FAM78B: variants seen among roughly 807,000 people sequenced by gnomAD.
The protein encoded by FAM78B is family with sequence similarity 78 member B.
In FAM78B, 10 loss-of-function variants were observed where a neutral mutation model predicts 20.0. That is an observed-to-expected ratio of 0.50 (90% CI 0.31 to 0.85). The LOEUF is 0.85. Ranked by LOEUF, FAM78B falls within the 40% of genes least tolerant of loss-of-function variation. The probability of loss-of-function intolerance (pLI) is 0.05; values close to 1 mark genes in which losing one functional copy is unlikely to be tolerated. For synonymous variants in FAM78B, 135 were observed against 132.8 expected (o/e 1.02, Z -0.12); for missense variants, 283 against 345.0 (o/e 0.82, Z 1.42).
At chr1:166,148,736 G>A (rs1208952233) in intron 1 of FAM78B, among the ~76,000 whole-genome samples, 1 of 152,204 alleles carries the variant, frequency 6.6e-6, no homozygotes, top group Admixed American at 6.5e-5. Flanking sequence ...ATGACAAAGG[G>A]AGCTCATATC....
chr1:166,077,323 T>C (rs1052196174), intron 1 of FAM78B, among the ~76,000 whole-genome samples: 1 of 152,196 alleles, frequency 6.6e-6, no homozygotes, highest in African/African-American at 2.4e-5. Flanking sequence ...TTTCTGTACC[T>C]GTTTCCTCAT....
chr1:166,165,898 G>A (rs1161158504), intron 1 of FAM78B, 88 bp downstream of exon 1: 5 of 1,490,076 alleles, frequency 3.4e-6, no homozygotes, highest in African/African-American at 1.4e-5. Context: ...GGGGACAGCA[G>A]TAGGAAGGAG....
chr1:166,138,786 CAA>C (rs1655169205), intron 1 of FAM78B, among the ~76,000 whole-genome samples: 1 of 152,212 alleles, frequency 6.6e-6, no homozygotes, highest in African/African-American at 2.4e-5. Context: ...ATAAAGGCAA[CAA>C]GATTTTTGTC....
At chr1:166,142,542 G>A (rs1247191014) in intron 1 of FAM78B, among the ~76,000 whole-genome samples, 3 of 152,218 alleles carry the variant, frequency 2.0e-5, no homozygotes, top group Admixed American at 2.0e-4. Context: ...AAAAGAGGAA[G>A]ACTATTTTTA....
intron 1 of FAM78B, among the ~76,000 whole-genome samples, chr1:166,072,175 T>G (rs1338699756): frequency 6.6e-6 from 1 of 152,182 alleles, no homozygotes; most frequent in Non-Finnish European, 1.5e-5. Flanking sequence ...GTCAAGCTAG[T>G]GCTGATTAAC....
intron 1 of FAM78B, among the ~76,000 whole-genome samples, chr1:166,145,401 T>C (rs1167516268): frequency 2.0e-5 from 3 of 152,234 alleles, no homozygotes; most frequent in Non-Finnish European, 2.9e-5. Context: ...TAGGGCATCC[T>C]GTAGGTTGGC....
At chr1:166,101,478 T>C (rs1001973540) in intron 1 of FAM78B, among the ~76,000 whole-genome samples, 1 of 152,028 alleles carries the variant, frequency 6.6e-6, no homozygotes, top group Non-Finnish European at 1.5e-5. Context: ...ATTAGATGAA[T>C]GGCTAACTAG....
intron 1 of FAM78B, among the ~76,000 whole-genome samples, chr1:166,079,415 T>G (rs1176946076): frequency 1.3e-5 from 2 of 152,230 alleles, no homozygotes; most frequent in Non-Finnish European, 2.9e-5. Flanking sequence ...TCAGGCCTTT[T>G]CACTGTCCTG....
chr1:166,085,282 A>G (rs769013448), intron 1 of FAM78B, among the ~76,000 whole-genome samples: 1 of 152,164 alleles, frequency 6.6e-6, no homozygotes, highest in Non-Finnish European at 1.5e-5. Flanking sequence ...GATGGAGATA[A>G]TGAACACTGA....
chr1:166,104,648 G>A (rs1216417258), intron 1 of FAM78B, among the ~76,000 whole-genome samples: 3 of 152,190 alleles, frequency 2.0e-5, no homozygotes, highest in Non-Finnish European at 4.4e-5. Flanking sequence ...AACTTACAAG[G>A]GACGTGAAGG....
chr1:166,124,208 T>C (rs1654563292), intron 1 of FAM78B, among the ~76,000 whole-genome samples: 1 of 152,214 alleles, frequency 6.6e-6, no homozygotes, highest in South Asian at 2.1e-4. Context: ...CTTTTGCACC[T>C]TCTTTGGTTG....
intron 1 of FAM78B, among the ~76,000 whole-genome samples, chr1:166,140,343 A>G (rs546199530): frequency 6.6e-6 from 1 of 152,326 alleles, no homozygotes; most frequent in African/African-American, 2.4e-5. Flanking sequence ...GCTGCCTGGG[A>G]GGATTTGGAT....
chr1:166,149,055 T>C (rs893216198), intron 1 of FAM78B, among the ~76,000 whole-genome samples: 2 of 152,058 alleles, frequency 1.3e-5, no homozygotes, highest in Admixed American at 6.6e-5. Flanking sequence ...TGTTGGACAT[T>C]TGGGTTGGTT....
chr1:166,089,826 C>G (rs1415546256), intron 1 of FAM78B, among the ~76,000 whole-genome samples: 3 of 152,120 alleles, frequency 2.0e-5, no homozygotes, highest in African/African-American at 7.2e-5. Flanking sequence ...AGGGAGCTCT[C>G]TCCAGGGAAA....
At position 166,069,633 on chromosome 1, in the gene FAM78B, C is replaced by A. The variant is rs1012910003; in HGVS notation, c.*608G>T. The A allele has an allele frequency of 6.6e-6, 1 of 152,264 alleles. No homozygotes were observed. Among genetic ancestry groups the A allele is most frequent in the Non-Finnish European group, 1.5e-5 (1 of 68,062 alleles). 9.4% of individuals were successfully genotyped at this position (152,264 alleles called of 1,614,324 possible). ...ACAGTTCCAAGGAGGCTTTCTCCCT[C>A]AGAAAGGAGCAAATATCAGTATTTG... is the stretch of plus-strand genomic sequence containing the variant. On this transcript the variant is annotated 3_prime_UTR_variant, in exon 2 of 2. Transcript: ENST00000354422.
intron 1 of FAM78B, among the ~76,000 whole-genome samples, chr1:166,136,838 TAGA>T (rs922421928): frequency 6.6e-6 from 1 of 152,202 alleles, no homozygotes; most frequent in African/African-American, 2.4e-5. Context: ...GAAGAGGGTC[TAGA>T]AGATGCCTGA....
At chr1:166,088,974 C>T (rs1652952988) in intron 1 of FAM78B, among the ~76,000 whole-genome samples, 1 of 152,214 alleles carries the variant, frequency 6.6e-6, no homozygotes, top group Non-Finnish European at 1.5e-5. Context: ...CAGTGTTCCA[C>T]TGCAAACAGC....
chr1:166,161,768 T>C (rs1482804129), intron 1 of FAM78B, among the ~76,000 whole-genome samples: 2 of 152,148 alleles, frequency 1.3e-5, no homozygotes, highest in African/African-American at 4.8e-5. Flanking sequence ...GGAGGTGTTG[T>C]TTACTAAGAT....
At chr1:166,157,125 C>A (rs1226272425) in intron 1 of FAM78B, among the ~76,000 whole-genome samples, 1 of 151,036 alleles carries the variant, frequency 6.6e-6, no homozygotes, top group Non-Finnish European at 1.5e-5. Context: ...TTCTCCTCCC[C>A]TCTATCTTTG....
Sources: allele counts gnomAD v4.1 joint callset (sites outside exome capture counted in the v4.1 genomes callset), GRCh38; gene constraint gnomAD v4.1.1; transcripts MANE v1.5; gene names NCBI Gene and HGNC (gene_info 2026-07-23, HGNC 2026-07-21).